MAMSTR: variants seen among roughly 807,000 people sequenced by gnomAD.
MAMSTR encodes MEF2 activating motif and SAP domain containing transcriptional regulator.
In MAMSTR, 41 loss-of-function variants were observed where a neutral mutation model predicts 42.7. The ratio of observed to expected loss-of-function variants is 0.96; its 90% CI spans 0.75 to 1.25. The LOEUF (loss-of-function observed/expected upper bound fraction) is 1.25. Ranked by LOEUF, MAMSTR falls within the 50% of genes most tolerant of loss-of-function variation. The pLI is 0.00. For synonymous variants in MAMSTR, 265 were observed against 244.1 expected (o/e 1.09, Z -0.80); for missense variants, 567 against 557.6 (o/e 1.02, Z -0.17).
At chr19:48,716,237 G>A (rs146094967) in intron 3 of MAMSTR, among the ~76,000 whole-genome samples, 2,175 of 152,108 alleles carry the variant, frequency 0.014, 37 homozygotes, top group African/African-American at 0.05. Flanking sequence ...TTAGCCAGGC[G>A]TGGTGGCACG....
At position 48,714,895 on chromosome 19, in the gene MAMSTR, G is replaced by A. The variant is rs1568468550; in HGVS notation, c.439C>T (p.Pro147Ser). The A allele has an allele frequency of 1.4e-5, 22 of 1,606,322 alleles. No individual in the cohort carries two copies. The highest frequency in any genetic ancestry group is 1.8e-5 in the Non-Finnish European group (21 of 1,174,424). Residue 147 changes from proline to serine, a missense_variant, in exon 6 of 10, where the codon CCC becomes TCC. Transcript: ENST00000318083. ...QQPHPRMKPSPLTPCPPGVPS... is the reference protein window; with the variant it reads ...QQPHPRMKPSSLTPCPPGVPS... ...ACTCCTGGTGGGCAGGGAGTGAGGG[G>A]AGAGGGCTTCATCCTGGTGATAATC...
chr19:48,716,018 T>G, intron 3 of MAMSTR: 1 of 1,234,632 alleles, frequency 8.1e-7, no homozygotes, highest in Non-Finnish European at 1.0e-6. Context: ...CACAGATGTC[T>G]GAGGTTTTGC....
At chr19:48,712,420 TCTC>T (rs2032750408), downstream of MAMSTR, among the ~76,000 whole-genome samples, 1 of 149,780 alleles carries the variant, frequency 6.7e-6, no homozygotes, top group African/African-American at 2.5e-5. Flanking sequence ...TCTTTTTCTC[TCTC>T]TCTTTTTTTT....
chr19:48,719,021 G>A lies in MAMSTR; in HGVS notation c.11C>T (p.Ala4Val), dbSNP rs573764910. MTL[A>V]ASSQRSQIIR... Reference sequence around the variant, plus strand: ...GATTTGGGAACGCTGGGAGGAAGCCGCCAGGGTCATTGCCAAGGCCGGGAT... The same window carrying A: ...GATTTGGGAACGCTGGGAGGAAGCCACCAGGGTCATTGCCAAGGCCGGGAT... Residue 4 changes from alanine (A) to valine (V), a missense_variant, in exon 2 of 10, where the codon GCG (alanine) becomes GTG (valine). Physicochemically the swap from Ala to Val is moderately conservative, Grantham distance 64. Coordinates refer to ENST00000318083, the MANE Select transcript of MAMSTR (RefSeq NM_001130915.2). The surrounding 1 kb of genome is among the most constrained non-coding windows in gnomAD (Gnocchi z 4.4). The A allele has an allele frequency of 3.9e-6, 6 of 1,550,264 alleles. No homozygotes were observed. Among genetic ancestry groups the A allele is most frequent in the South Asian group, 2.4e-5 (2 of 84,026 alleles).
downstream of MAMSTR, among the ~76,000 whole-genome samples, chr19:48,709,239 C>G (rs1365597543): frequency 1.3e-5 from 2 of 152,176 alleles, no homozygotes; most frequent in Non-Finnish European, 2.9e-5. Context: ...ACCTCCGCCT[C>G]CCGGATTCAA....
At position 48,715,288 on chromosome 19, in the gene MAMSTR, C is replaced by T; in HGVS notation, c.399G>A (p.Gly133=). The part of the protein sequence containing the change: ...LGPPGPSLWE[G]TDSQQPHPRM... ...TAGGATGTGGCTGCTGCGAGTCTGT[C>T]CCTTCCCACAGAGATGGCCCAGGAG... Residue 133 remains glycine (G), a synonymous_variant, in exon 5 of 10, where the codon GGG becomes GGA. Coordinates refer to ENST00000318083, the MANE Select transcript of MAMSTR (RefSeq NM_001130915.2). 6.3e-7 allele frequency: 1 copy of T among 1,594,490 alleles called. No homozygotes were observed. The highest frequency in any genetic ancestry group is 1.8e-5 in the Admixed American group (1 of 56,080).
rs761265109 is a variant in MAMSTR at position 48,713,230 on chromosome 19, C to G, written c.*37G>C. 6.5e-7 allele frequency: 1 copy of G among 1,537,432 alleles called. No homozygotes were observed. Among genetic ancestry groups the G allele is most frequent in the Non-Finnish European group, 8.7e-7 (1 of 1,144,522 alleles). On this transcript the variant is annotated 3_prime_UTR_variant, in exon 10 of 10. Coordinates refer to ENST00000318083, the MANE Select transcript of MAMSTR (RefSeq NM_001130915.2). ...CTCCCACAAGGAGCTTCTCTCCACC[C>G]CCATCAGTTCTCTGTCTCTGTAAAT...
At chr19:48,707,499 G>A in the MAMSTR span, among the ~76,000 whole-genome samples, 1 of 152,046 alleles carries the variant, frequency 6.6e-6, no homozygotes. Flanking sequence ...CCAGCACTTT[G>A]GGAGGCCAAG....
downstream of MAMSTR, among the ~76,000 whole-genome samples, chr19:48,711,599 G>A (rs926217682): frequency 2.7e-5 from 4 of 149,258 alleles, no homozygotes; most frequent in African/African-American, 1.0e-4. Flanking sequence ...TTGAGATGGA[G>A]TAGCACTCTG....
downstream of MAMSTR, among the ~76,000 whole-genome samples, chr19:48,711,903 G>A (rs2032734642): frequency 6.7e-6 from 1 of 150,240 alleles, no homozygotes; most frequent in African/African-American, 2.4e-5. Context: ...ATGCCACCAT[G>A]CCCAGCTAAT....
chr19:48,718,988 G>C lies in MAMSTR; in HGVS notation c.44C>G (p.Ser15Cys). 6.4e-7 allele frequency: 1 copy of C among 1,551,496 alleles called. No individual in the cohort carries two copies. The highest frequency in any genetic ancestry group is 1.2e-5 in the South Asian group (1 of 84,044). ...ASSQRSQIIR[S>C]KFRSVLQLRI... ...CCCTCTCTCACCAGATCGGAACTTG[G>C]AGCGAATGATTTGGGAACGCTGGGA... Residue 15 changes from serine (S) to cysteine (C), a missense_variant, in exon 2 of 10, where the codon TCC becomes TGC. Ser to Cys is a moderately radical substitution (Grantham distance 112). Coordinates refer to ENST00000318083, the MANE Select transcript of MAMSTR (RefSeq NM_001130915.2).
Position 48,715,727 on chromosome 19 carries a change from A to C in MAMSTR, c.138T>G (p.Pro46=), listed in dbSNP as rs2032989756. The C allele has an allele frequency of 1.3e-6, 2 of 1,542,668 alleles. No homozygotes were observed. The highest frequency in any genetic ancestry group is 1.7e-6 in the Non-Finnish European group (2 of 1,144,976). The change falls in exon 4 of 10, where the codon CCT becomes CCG. Residue 46 remains proline (P), a synonymous_variant. Coordinates refer to ENST00000318083, the MANE Select transcript of MAMSTR (RefSeq NM_001130915.2). ...PDPWISASDP[P]LAPALPSGTA... is the part of the protein sequence containing the mutation. ...TGCCCGAGGGCAAGGCCGGGGCCAG[A>C]GGAGGGTCTGAGGCTGAGATCCACG...
intron 3 of MAMSTR, 43 bp downstream of exon 3, chr19:48,716,662 A>G (rs1048490380): frequency 4.5e-6 from 6 of 1,324,032 alleles, no homozygotes; most frequent in Non-Finnish European, 5.8e-6. Flanking sequence ...CCCAGTGGGG[A>G]GTGGGGGGTC....
chr19:48,717,803 C>T (rs2033102108), intron 2 of MAMSTR, among the ~76,000 whole-genome samples: 1 of 152,134 alleles, frequency 6.6e-6, no homozygotes, highest in Admixed American at 6.6e-5. Context: ...CTCCCGGGTG[C>T]AAGCAATTCT....
intron 7 of MAMSTR, 61 bp downstream of exon 7, chr19:48,714,305 C>T (rs1601248519): frequency 7.6e-7 from 1 of 1,310,076 alleles, no homozygotes; most frequent in African/African-American, 1.5e-5. Flanking sequence ...TTTTCGACAC[C>T]CCGCCCCGGC....
At chr19:48,716,354 G>T (rs910796345) in intron 3 of MAMSTR, among the ~76,000 whole-genome samples, 4 of 114,996 alleles carry the variant, frequency 3.5e-5, no homozygotes, top group Non-Finnish European at 6.6e-5. Context: ...CCAGCCTGGC[G>T]ACAGAGCAAG....
At chr19:48,712,211 A>T (rs1280292950), downstream of MAMSTR, among the ~76,000 whole-genome samples, 1 of 151,930 alleles carries the variant, frequency 6.6e-6, no homozygotes, top group Non-Finnish European at 1.5e-5. Flanking sequence ...GGCTATAATA[A>T]GCTCAAACAG....
intron 3 of MAMSTR, 109 bp from the exon 4 acceptor site, chr19:48,715,876 G>A: frequency 6.8e-7 from 1 of 1,464,956 alleles, no homozygotes; most frequent in Non-Finnish European, 9.0e-7. Context: ...GCAGGCCAGG[G>A]AGCAAGACTT....
In MAMSTR at chr19:48,719,220, G is replaced by C. The variant is rs2033164920; in HGVS notation, c.-21-168C>G. Among the ~76,000 whole-genome samples the C allele has an allele frequency of 6.6e-6, 1 of 152,140 alleles. No homozygotes were observed. The highest frequency in any genetic ancestry group is 6.5e-5 in the Admixed American group (1 of 15,268). ...GATCCCAGGGGCTGTAGAGGAGGGG[G>C]CTGCACACCCGGACACCTTGCTCCG... is the stretch of plus-strand genomic sequence containing the variant. On this transcript the variant is annotated intron_variant, in intron 1 of 9. Transcript: ENST00000318083. The surrounding 1 kb of genome is among the most constrained non-coding windows in gnomAD (Gnocchi z 4.4).
Sources: allele counts gnomAD v4.1 joint callset (sites outside exome capture counted in the v4.1 genomes callset), GRCh38; gene constraint gnomAD v4.1.1; non-coding constraint Gnocchi (gnomAD v3.1); transcripts MANE v1.5; gene names NCBI Gene and HGNC (gene_info 2026-07-23, HGNC 2026-07-21).